Variants in FGF7 observed in about 807,000 individuals in gnomAD.
The protein encoded by FGF7 is fibroblast growth factor 7.
Under a neutral mutation model 20.5 loss-of-function variants are expected in FGF7, and 6 were observed. The observed-to-expected ratio is 0.29, with a 90% CI of 0.16 to 0.58. The LOEUF is 0.58. Among genes scored for constraint, FGF7 ranks in the 20% least tolerant of loss-of-function variants. FGF7 has a pLI of 0.90. For missense variants in FGF7, 144 were observed against 228.8 expected, an observed-to-expected ratio of 0.63 and a Z score of 2.39; for synonymous variants, 64 against 74.7, an observed-to-expected ratio of 0.86 and a Z score of 0.74.
intron 2 of FGF7, among the ~76,000 whole-genome samples, chr15:49,439,896 C>G (rs1229828137): frequency 6.6e-6 from 1 of 151,656 alleles, no homozygotes; most frequent in African/African-American, 2.4e-5. Context: ...TCATAGAGTC[C>G]AGAGATTTTG....
rs1365886823 is a variant in FGF7, at chr15:49,424,330, A to G, written c.33A>G (p.Pro11=). The change falls in exon 2 of 4, where the codon CCA becomes CCG. Residue 11 remains proline, a synonymous_variant. Transcript: ENST00000267843. ...AATGGATACTGACATGGATCCTGCC[A>G]ACTTTGCTCTACAGATCATGCTTTC... MHKWILTWIL[P]TLLYRSCFHI... 6.2e-7 allele frequency: 1 copy of G among 1,613,634 alleles called. No homozygotes were observed.
At chr15:49,454,691 C>A (rs2053106456) in intron 2 of FGF7, among the ~76,000 whole-genome samples, 1 of 152,152 alleles carries the variant, frequency 6.6e-6, no homozygotes, top group Admixed American at 6.5e-5. Flanking sequence ...CTCACTGCAA[C>A]CTCTGCCTCC....
Position 49,439,453 on chromosome 15 carries a change from T to G in FGF7, c.286+14870T>G, listed in dbSNP as rs563541443. Among the ~76,000 whole-genome samples the G allele has an allele frequency of 5.9e-5, 9 of 151,674 alleles. No homozygotes were observed. The East Asian group carries it at 1.8e-3, about 30-fold the overall frequency. Reference sequence around the variant, plus strand: ...GTGGGGGGAGGGAACTACCCAAGGGTGTGAATAGTGAATACTAAGTGTTAG... The same window carrying G: ...GTGGGGGGAGGGAACTACCCAAGGGGGTGAATAGTGAATACTAAGTGTTAG... On this transcript the variant is annotated intron_variant, in intron 2 of 3. Transcript: ENST00000267843.
chr15:49,483,707 T>C (rs1035891343), intron 3 of FGF7, among the ~76,000 whole-genome samples: 1 of 152,076 alleles, frequency 6.6e-6, no homozygotes, highest in Non-Finnish European at 1.5e-5. Flanking sequence ...ATTCACATTG[T>C]CCCCACTTCA....
intron 2 of FGF7, 63 bp downstream of exon 2, chr15:49,424,646 G>A: frequency 7.7e-7 from 1 of 1,303,822 alleles, no homozygotes; most frequent in Non-Finnish European, 1.0e-6. Flanking sequence ...ATTTTCAGGT[G>A]ATATGTTTTC....
chr15:49,429,817 AG>A (rs1179422500), intron 2 of FGF7, among the ~76,000 whole-genome samples: 1 of 151,924 alleles, frequency 6.6e-6, no homozygotes, highest in Non-Finnish European at 1.5e-5. Flanking sequence ...GGATCACATT[AG>A]ATTACTGGGG....
intron 2 of FGF7, among the ~76,000 whole-genome samples, chr15:49,465,812 A>G (rs1175218471): frequency 6.6e-6 from 1 of 152,206 alleles, no homozygotes; most frequent in East Asian, 1.9e-4. Flanking sequence ...GACATTTAGT[A>G]TGATTAGAAA....
Position 49,484,455 on chromosome 15 carries a change from C to T in FGF7, c.536C>T (p.Thr179Met), listed in dbSNP as rs753270506. The stretch of plus-strand genomic sequence containing the variant: ...GGGATTCCTGTAAGAGGAAAAAAAA[C>T]GAAGAAAGAACAAAAAACAGCCCAC... Reference protein sequence around the residue: ...QKGIPVRGKKTKKEQKTAHFL... With the variant: ...QKGIPVRGKKMKKEQKTAHFL... Residue 179 changes from threonine to methionine, a missense_variant, in exon 4 of 4, where the codon ACG becomes ATG. Physicochemically the swap from Thr to Met is moderately conservative, Grantham distance 81. Coordinates refer to ENST00000267843, the MANE Select transcript of FGF7 (RefSeq NM_002009.4). 7.6e-6 allele frequency: 12 copies of T among 1,578,668 alleles called. No individual in the cohort carries two copies. The highest frequency in any genetic ancestry group is 4.1e-5 in the African/African-American group (3 of 73,474).
At chr15:49,459,860 T>C (rs1277750065) in intron 2 of FGF7, among the ~76,000 whole-genome samples, 3 of 152,160 alleles carry the variant, frequency 2.0e-5, no homozygotes, top group Admixed American at 6.6e-5. Flanking sequence ...TATCTTGACA[T>C]GGGCATAAAA....
At chr15:49,470,925 C>T (rs9972329) in intron 2 of FGF7, among the ~76,000 whole-genome samples, 49,355 of 152,042 alleles carry the variant, frequency 0.32, 8,740 homozygotes, top group African/African-American at 0.45. Flanking sequence ...TGTAAGGACA[C>T]CAAGGGAACT....
At chr15:49,442,012 A>C (rs1195213765) in intron 2 of FGF7, among the ~76,000 whole-genome samples, 1 of 151,564 alleles carries the variant, frequency 6.6e-6, no homozygotes, top group Non-Finnish European at 1.5e-5. Flanking sequence ...CTTTTTATCA[A>C]AAGATCCATT....
chr15:49,444,514 A>G lies in FGF7; in HGVS notation c.286+19931A>G, dbSNP rs376109966. On this transcript the variant is annotated intron_variant, in intron 2 of 3. Transcript: ENST00000267843. ...AAATTATCTGCTTCAAAACATCAAT[A>G]GATTGTAGTACGTGGGTCTAATTAC... 5.3e-5 allele frequency among the ~76,000 whole-genome samples: 8 copies of G among 151,794 alleles called. No individual in the cohort carries two copies. In the East Asian group the frequency reaches 1.2e-3, roughly 22 times the overall value.
intron 2 of FGF7, among the ~76,000 whole-genome samples, chr15:49,452,068 G>T (rs537851587): frequency 6.6e-6 from 1 of 151,600 alleles, no homozygotes; most frequent in South Asian, 2.1e-4. Flanking sequence ...TTGAGATAGA[G>T]TCTTGCTCTG....
intron 2 of FGF7, among the ~76,000 whole-genome samples, chr15:49,456,753 T>C (rs1051785113): frequency 3.9e-5 from 6 of 151,986 alleles, no homozygotes; most frequent in Admixed American, 3.9e-4. Flanking sequence ...GAGTCTCACT[T>C]TGAAAGATGA....
intron 2 of FGF7, among the ~76,000 whole-genome samples, chr15:49,452,986 T>C (rs2052910086): frequency 6.6e-6 from 1 of 152,158 alleles, no homozygotes; most frequent in African/African-American, 2.4e-5. Flanking sequence ...GGGCCCAAAT[T>C]CACAAAATTA....
intron 2 of FGF7, among the ~76,000 whole-genome samples, chr15:49,473,956 GT>G (rs1203835801): frequency 6.6e-6 from 1 of 152,162 alleles, no homozygotes; most frequent in East Asian, 1.9e-4. Context: ...CAGGGGAACA[GT>G]TGACATTTGC....
chr15:49,454,703 G>A lies in FGF7; in HGVS notation c.287-28448G>A, dbSNP rs1351562443. 3.9e-5 allele frequency among the ~76,000 whole-genome samples: 6 copies of A among 152,098 alleles called. No homozygotes were observed. The South Asian group carries it at 1.0e-3, about 26-fold the overall frequency. ...CAGCTCACTGCAACCTCTGCCTCCC[G>A]AATTCAAGCGATTCTCCTGCCTCAG... On this transcript the variant is annotated intron_variant, in intron 2 of 3. Transcript: ENST00000267843.
chr15:49,425,412 A>G (rs2050039236), intron 2 of FGF7: 1 of 152,080 alleles, frequency 6.6e-6, no homozygotes, highest in African/African-American at 2.4e-5. Context: ...CAACTTCAAT[A>G]GTATTAAATG....
At chr15:49,429,841 A>G (rs1426656242) in intron 2 of FGF7, among the ~76,000 whole-genome samples, 1 of 151,900 alleles carries the variant, frequency 6.6e-6, no homozygotes, top group Non-Finnish European at 1.5e-5. Context: ...TTAAGTCAGA[A>G]TCTCACAAAG....
Sources: gnomAD v4.1 joint callset for allele counts (sites outside exome capture counted in the v4.1 genomes callset) on GRCh38, gnomAD v4.1.1 for gene constraint, MANE v1.5 for transcripts, NCBI Gene and HGNC (gene_info 2026-07-23, HGNC 2026-07-21) for gene names.